The following XPR1 variants were observed in gnomAD, a reference collection of about 807,000 sequenced individuals.
The protein encoded by XPR1 is xenotropic and polytropic retrovirus receptor 1.
XPR1 carries 28 observed loss-of-function variants against 87.5 expected under a neutral mutation model. That is an observed-to-expected ratio of 0.32 (90% CI 0.24 to 0.44). XPR1 has a LOEUF of 0.44. XPR1 is among the 20% of genes least tolerant of loss of function. XPR1 has a pLI of 1.00. For missense variants in XPR1, 559 were observed against 862.3 expected (o/e 0.65, Z 4.41); for synonymous variants, 300 against 306.1 (o/e 0.98, Z 0.21).
At chr1:180,807,424 G>A (rs1329390553) in intron 6 of XPR1, among the ~76,000 whole-genome samples, 1 of 151,986 alleles carries the variant, frequency 6.6e-6, no homozygotes, top group Non-Finnish European at 1.5e-5. Context: ...AGAACAATTG[G>A]AAATCAAAAA....
intron 2 of XPR1, among the ~76,000 whole-genome samples, chr1:180,754,944 G>T (rs929264778): frequency 6.6e-6 from 1 of 152,006 alleles, no homozygotes; most frequent in Non-Finnish European, 1.5e-5. Flanking sequence ...ATGGGTGGGG[G>T]TGGGTCACTG....
At chr1:180,818,592 A>T (rs746564331) in intron 7 of XPR1, among the ~76,000 whole-genome samples, 9 of 152,200 alleles carry the variant, frequency 5.9e-5, no homozygotes, top group Non-Finnish European at 1.0e-4. Flanking sequence ...AATGATTGTT[A>T]GCTGATTTTT....
intron 11 of XPR1, among the ~76,000 whole-genome samples, chr1:180,849,672 G>A (rs936415180): frequency 6.6e-6 from 1 of 152,192 alleles, no homozygotes; most frequent in Admixed American, 6.5e-5. Context: ...TAGCAGTCAA[G>A]TGATGAATGG....
At chr1:180,676,571 A>G (rs1656375814) in intron 1 of XPR1, among the ~76,000 whole-genome samples, 1 of 152,088 alleles carries the variant, frequency 6.6e-6, no homozygotes, top group African/African-American at 2.4e-5. Flanking sequence ...TATTACCACT[A>G]CTCTATACTT....
At chr1:180,718,324 TA>T (rs1407573914) in intron 2 of XPR1, among the ~76,000 whole-genome samples, 2 of 152,226 alleles carry the variant, frequency 1.3e-5, no homozygotes, top group Non-Finnish European at 2.9e-5. Context: ...ATAGCTCTGA[TA>T]ATGAACAAAA....
chr1:180,874,077 C>T lies in XPR1; in HGVS notation c.1808+135C>T, dbSNP rs564109607. The T allele has an allele frequency of 4.7e-5, 53 of 1,120,726 alleles. 1 individual carries two copies. The South Asian group carries it at 8.8e-4, about 19-fold the overall frequency. 69.4% of individuals were successfully genotyped at this position (1,120,726 alleles called of 1,614,324 possible). A position where few individuals can be genotyped will look rare whatever the true frequency, so the allele number is the denominator to read the frequency against. ...CAACTTTTCTCAAATTTCTCCTCAG[C>T]CTTAGAATTGGAAAACCATGTTGGC... On this transcript the variant is annotated intron_variant, in intron 13 of 14. Transcript: ENST00000367590.
At chr1:180,773,350 AG>A (rs1558001166) in intron 2 of XPR1, among the ~76,000 whole-genome samples, 1 of 152,226 alleles carries the variant, frequency 6.6e-6, no homozygotes, top group Admixed American at 6.5e-5. Flanking sequence ...ATAGCTATAT[AG>A]GTTGAGATAT....
At chr1:180,688,966 A>G (rs1330429322) in intron 2 of XPR1, among the ~76,000 whole-genome samples, 1 of 152,124 alleles carries the variant, frequency 6.6e-6, no homozygotes, top group Non-Finnish European at 1.5e-5. Context: ...TTTTACTCTG[A>G]ATTAATTGCA....
chr1:180,693,675 G>C (rs1657066954), intron 2 of XPR1, among the ~76,000 whole-genome samples: 3 of 152,126 alleles, frequency 2.0e-5, no homozygotes, highest in Non-Finnish European at 4.4e-5. Flanking sequence ...GCCTCTTACA[G>C]CTTCTGGTGG....
intron 13 of XPR1, among the ~76,000 whole-genome samples, chr1:180,878,565 G>T (rs1306992712): frequency 6.6e-6 from 1 of 152,172 alleles, no homozygotes; most frequent in Non-Finnish European, 1.5e-5. Context: ...AGTAGGTGCT[G>T]TTATCATGTC....
At chr1:180,774,873 G>A (rs529140047) in intron 2 of XPR1, among the ~76,000 whole-genome samples, 15 of 152,322 alleles carry the variant, frequency 9.8e-5, no homozygotes, top group Non-Finnish European at 1.6e-4. Flanking sequence ...AGGCTGGGAA[G>A]TCCAGGATCA....
At chr1:180,656,669 TTA>T (rs1025424373) in intron 1 of XPR1, among the ~76,000 whole-genome samples, 6 of 127,396 alleles carry the variant, frequency 4.7e-5, no homozygotes, top group African/African-American at 1.5e-4. Context: ...ATAATTTATA[TTA>T]TATATAATTA....
chr1:180,730,840 T>A (rs575371248), intron 2 of XPR1, among the ~76,000 whole-genome samples: 4 of 151,846 alleles, frequency 2.6e-5, no homozygotes, highest in Admixed American at 2.0e-4. Flanking sequence ...TTTTTTTTTT[T>A]ATTTTTTGTA....
intron 2 of XPR1, among the ~76,000 whole-genome samples, chr1:180,749,126 T>C (rs1647411591): frequency 6.6e-6 from 1 of 152,186 alleles, no homozygotes. Flanking sequence ...GTTTTGAGTC[T>C]GAGAGAGTCT....
chr1:180,827,293 A>G, intron 9 of XPR1, among the ~76,000 whole-genome samples: 1 of 152,026 alleles, frequency 6.6e-6, no homozygotes, highest in East Asian at 1.9e-4. Flanking sequence ...CCTGGCCATA[A>G]AATTATTTTT....
chr1:180,731,339 G>A (rs774253906), intron 2 of XPR1, among the ~76,000 whole-genome samples: 1 of 152,164 alleles, frequency 6.6e-6, no homozygotes, highest in Non-Finnish European at 1.5e-5. Flanking sequence ...TGCTGCGGCC[G>A]AGGGGATGGA....
chr1:180,829,614 GTATT>G lies in XPR1; in HGVS notation c.1134+4276_1134+4279del, dbSNP rs1480511408. Among the ~76,000 whole-genome samples the G allele has an allele frequency of 2.6e-5, 4 of 152,208 alleles. No homozygotes were observed. The South Asian group carries it at 8.3e-4, about 32-fold the overall frequency. ...TATGGTGCTATAATTATACCTTTAT[GTATT>G]TATTTGCCCAACTAGACTGTGGATC... On this transcript the variant is annotated intron_variant, in intron 9 of 14. Transcript: ENST00000367590.
chr1:180,682,262 TG>T lies in XPR1; in HGVS notation c.70-96del, dbSNP rs1656601216. ...ATTTATCAATTTAGGGAGCTATGAGTGGTCATTGAATATTGAAAAAGAACTG... is the reference window on the plus strand; with the variant it reads ...ATTTATCAATTTAGGGAGCTATGAGTGTCATTGAATATTGAAAAAGAACTG... On this transcript the variant is annotated intron_variant, in intron 1 of 14. Transcript: ENST00000367590. 6.0e-6 allele frequency: 5 copies of T among 828,824 alleles called. No individual in the cohort carries two copies. In the East Asian group the frequency reaches 1.4e-4, roughly 24 times the overall value. The allele number at this position is 828,824 out of a possible 1,614,324, so 51.3% of individuals were successfully genotyped here.
At chr1:180,779,549 G>A (rs1467210809) in intron 2 of XPR1, among the ~76,000 whole-genome samples, 2 of 152,100 alleles carry the variant, frequency 1.3e-5, no homozygotes, top group Middle Eastern at 3.2e-3. Context: ...GAGGTCAGGA[G>A]TTAGAGACCA....
Sources: gnomAD v4.1 joint callset for allele counts (sites outside exome capture counted in the v4.1 genomes callset) on GRCh38, gnomAD v4.1.1 for gene constraint, MANE v1.5 for transcripts, NCBI Gene and HGNC (gene_info 2026-07-23, HGNC 2026-07-21) for gene names.